Variants in MTCL1 observed in about 807,000 individuals in gnomAD.
MTCL1 encodes the protein microtubule crosslinking factor 1, also known as microtubule cross-linking factor 1.
MTCL1 carries 79 observed loss-of-function variants against 141.4 expected under a neutral mutation model. The observed-to-expected ratio is 0.56, with a 90% CI of 0.47 to 0.67. The LOEUF (loss-of-function observed/expected upper bound fraction) is 0.67. Among genes scored for constraint, MTCL1 ranks in the 30% least tolerant of loss-of-function variants. The probability of loss-of-function intolerance (pLI) is 0.00; values close to 1 mark genes in which losing one functional copy is unlikely to be tolerated. For synonymous variants in MTCL1, 914 were observed against 875.8 expected (o/e 1.04, Z -0.77); for missense variants, 2,177 against 2,113.9 (o/e 1.03, Z -0.59).
chr18:8,771,083 T>C (rs929298241), intron 4 of MTCL1, among the ~76,000 whole-genome samples: 3 of 152,204 alleles, frequency 2.0e-5, no homozygotes, highest in African/African-American at 7.2e-5. Context: ...GAGAGGCTAA[T>C]TAATTCGCAT....
chr18:8,727,359 G>T (rs771070612), intron 4 of MTCL1, among the ~76,000 whole-genome samples: 4 of 152,122 alleles, frequency 2.6e-5, no homozygotes, highest in Non-Finnish European at 5.9e-5. Flanking sequence ...ACTACTTTGA[G>T]AATTCCCTAT....
In MTCL1 at chr18:8,786,111, C is replaced by CCCCCCCCA; in HGVS notation, c.1887+27_1887+28insACCCCCCC. The CCCCCCCCA allele has an allele frequency of 8.9e-7, 1 of 1,128,898 alleles. No homozygotes were observed. The highest frequency in any genetic ancestry group is 1.2e-6 in the Non-Finnish European group (1 of 857,562). The allele number at this position is 1,128,898 out of a possible 1,614,324, so 69.9% of individuals were successfully genotyped here. A position where few individuals can be genotyped will look rare whatever the true frequency, so the allele number is the denominator to read the frequency against. ...CTGGAGGTCAGCGTGGGCAAGCAAT[C>CCCCCCCCA]CCCCCCCCCCGCCCTCCCCCTCCTT... On this transcript the variant is annotated intron_variant, in intron 7 of 16. Coordinates refer to ENST00000359865, the Ensembl canonical transcript of MTCL1.
intron 8 of MTCL1, among the ~76,000 whole-genome samples, chr18:8,793,606 A>C (rs1057195629): frequency 3.3e-5 from 5 of 152,166 alleles, no homozygotes; most frequent in African/African-American, 4.8e-5. Context: ...TTTATCTGCA[A>C]ATCCTTCCCC....
At chr18:8,718,395 C>T (rs1373714836) in intron 2 of MTCL1, 29 bp from the exon 2 acceptor site, 2 of 1,605,636 alleles carry the variant, frequency 1.2e-6, no homozygotes, top group South Asian at 2.2e-5. Flanking sequence ...GTACTTGGCT[C>T]ATAAATCTTC....
intron 4 of MTCL1, among the ~76,000 whole-genome samples, chr18:8,763,841 T>C (rs994312128): frequency 2.0e-5 from 3 of 152,208 alleles, no homozygotes; most frequent in Non-Finnish European, 1.5e-5. Flanking sequence ...CTTAATTGCA[T>C]TGTGGAAAAT....
At chr18:8,786,117 C>CCCCA (rs2143621093) in intron 7 of MTCL1, 26 bp downstream of exon 6, 11 of 1,394,760 alleles carry the variant, frequency 7.9e-6, no homozygotes, top group African/African-American at 4.7e-5. Context: ...CAATCCCCCC[C>CCCCA]CCCCGCCCTC....
chr18:8,752,254 G>A (rs1396000852), intron 4 of MTCL1, among the ~76,000 whole-genome samples: 1 of 152,198 alleles, frequency 6.6e-6, no homozygotes, highest in African/African-American at 2.4e-5. Context: ...TGAGTAAGAT[G>A]TGTAAATATT....
intron 15 of MTCL1, among the ~76,000 whole-genome samples, chr18:8,827,386 A>G (rs562848170): frequency 7.9e-5 from 12 of 152,370 alleles, no homozygotes; most frequent in African/African-American, 2.2e-4. Context: ...TGAAATCTGA[A>G]TAGGTCAGAC....
upstream of MTCL1, among the ~76,000 whole-genome samples, chr18:8,716,391 A>T (rs2160912): frequency 6.6e-6 from 1 of 151,874 alleles, no homozygotes; most frequent in African/African-American, 2.4e-5. Context: ...ATGAGTTGCC[A>T]TATCTGTGCC....
At chr18:8,720,559 A>C (rs2096163670) in intron 4 of MTCL1, 63 bp downstream of exon 3, 1 of 1,514,788 alleles carries the variant, frequency 6.6e-7, no homozygotes, top group Non-Finnish European at 8.9e-7. Flanking sequence ...TGGAACTCCA[A>C]GTGCCCCCTT....
intron 4 of MTCL1, among the ~76,000 whole-genome samples, chr18:8,722,527 G>A (rs1369701382): frequency 2.0e-5 from 3 of 152,194 alleles, no homozygotes; most frequent in Non-Finnish European, 4.4e-5. Context: ...CATGTTGTAT[G>A]TATTATGTAC....
intron 11 of MTCL1, among the ~76,000 whole-genome samples, chr18:8,808,775 A>G (rs115579944): frequency 7.2e-4 from 110 of 152,364 alleles, no homozygotes; most frequent in African/African-American, 2.6e-3. Flanking sequence ...TAAATGTTGA[A>G]CATCCAGCAA....
intron 4 of MTCL1, among the ~76,000 whole-genome samples, chr18:8,746,940 G>T (rs2148934155): frequency 6.6e-6 from 1 of 152,326 alleles, no homozygotes; most frequent in East Asian, 1.9e-4. Flanking sequence ...GGACAGGGAA[G>T]CCCATTTAAG....
intron 4 of MTCL1, among the ~76,000 whole-genome samples, chr18:8,769,573 A>G (rs117328435): frequency 0.016 from 2,484 of 152,316 alleles, 39 homozygotes; most frequent in South Asian, 0.056. Flanking sequence ...AAGCAAATGT[A>G]TGTCATGTTC....
intron 7 of MTCL1, among the ~76,000 whole-genome samples, chr18:8,790,242 G>A (rs79976195): frequency 0.021 from 3,217 of 152,270 alleles, 128 homozygotes; most frequent in Admixed American, 0.098. Flanking sequence ...GATAAAAATG[G>A]CTTCTTAACA....
rs559171819 is a variant in MTCL1, at chr18:8,743,977, G to A, written c.357+23481G>A. 2.8e-4 allele frequency among the ~76,000 whole-genome samples: 43 copies of A among 152,326 alleles called. No individual in the cohort carries two copies. The South Asian group carries it at 8.7e-3, about 31-fold the overall frequency. On this transcript the variant is annotated intron_variant, in intron 4 of 16. Transcript: ENST00000359865. Reference sequence around the variant, plus strand: ...TGCATAGTTGAGAAACTGAGGCCCAGGGCATACCATTTATTCTGCATGACT... The same window carrying A: ...TGCATAGTTGAGAAACTGAGGCCCAAGGCATACCATTTATTCTGCATGACT...
At chr18:8,756,073 G>A (rs1397669706) in intron 4 of MTCL1, among the ~76,000 whole-genome samples, 1 of 152,208 alleles carries the variant, frequency 6.6e-6, no homozygotes, top group Non-Finnish European at 1.5e-5. Flanking sequence ...GGAATTTGAG[G>A]CTACAGTGGG....
chr18:8,831,565 T>C, intron 16 of MTCL1, 42 bp from the exon 15 acceptor site: 2 of 1,541,778 alleles, frequency 1.3e-6, no homozygotes, highest in Non-Finnish European at 1.8e-6. Flanking sequence ...CTGGTGACAC[T>C]GCCGGTCTGA....
chr18:8,808,064 A>G (rs530130925), intron 11 of MTCL1, among the ~76,000 whole-genome samples: 2 of 150,962 alleles, frequency 1.3e-5, no homozygotes, highest in Middle Eastern at 7.0e-3. Flanking sequence ...CTGCATTTCC[A>G]CCTGGCCACA....
Sources: allele counts gnomAD v4.1 joint callset (sites outside exome capture counted in the v4.1 genomes callset), GRCh38; gene constraint gnomAD v4.1.1; transcripts MANE v1.5; gene names NCBI Gene and HGNC (gene_info 2026-07-23, HGNC 2026-07-21).